Variants in ANO4 observed in about 807,000 individuals in gnomAD.
ANO4 encodes anoctamin-4.
Under a neutral mutation model 141.9 loss-of-function variants are expected in ANO4, and 69 were observed. The observed-to-expected ratio is 0.49, with a 90% CI of 0.40 to 0.59. The LOEUF (loss-of-function observed/expected upper bound fraction) is 0.59. ANO4 is among the 20% of genes least tolerant of loss of function. ANO4 has a pLI of 0.00. For synonymous variants in ANO4, 350 were observed against 394.3 expected (o/e 0.89, Z 1.33); for missense variants, 894 against 1,162.2 (o/e 0.77, Z 3.36).
At chr12:101,041,646 C>T (rs967359116) in intron 11 of ANO4, among the ~76,000 whole-genome samples, 2 of 152,160 alleles carry the variant, frequency 1.3e-5, no homozygotes, top group African/African-American at 4.8e-5. Flanking sequence ...CTGAAAAACT[C>T]AGTTTTCCTC....
intron 5 of ANO4, among the ~76,000 whole-genome samples, chr12:100,944,506 C>G (rs1049420367): frequency 6.6e-6 from 1 of 151,998 alleles, no homozygotes; most frequent in Non-Finnish European, 1.5e-5. Context: ...CCCACTTTCC[C>G]CCAAAAGTTC....
intron 11 of ANO4, among the ~76,000 whole-genome samples, chr12:101,041,560 TA>T (rs2047411535): frequency 6.6e-6 from 1 of 152,196 alleles, no homozygotes; most frequent in African/African-American, 2.4e-5. Context: ...GCATATTAAT[TA>T]ACTGTCTATT....
At chr12:100,785,368 T>C (rs1449367539) in intron 3 of ANO4, among the ~76,000 whole-genome samples, 1 of 152,214 alleles carries the variant, frequency 6.6e-6, no homozygotes, top group Non-Finnish European at 1.5e-5. Context: ...GTAGTTTCAC[T>C]GCCCTAAAAA....
At chr12:101,049,394 T>C (rs1229449543) in intron 14 of ANO4, among the ~76,000 whole-genome samples, 3 of 152,200 alleles carry the variant, frequency 2.0e-5, no homozygotes, top group Non-Finnish European at 4.4e-5. Flanking sequence ...CATTTTGTTC[T>C]TAGGGCACTT....
At chr12:101,113,293 A>G (rs1310898986) in intron 24 of ANO4, among the ~76,000 whole-genome samples, 3 of 152,162 alleles carry the variant, frequency 2.0e-5, no homozygotes, top group Admixed American at 6.5e-5. Context: ...ATCTTGTTTT[A>G]GGGGGAACCA....
chr12:100,934,522 A>G (rs2042207635), intron 3 of ANO4, among the ~76,000 whole-genome samples: 1 of 151,974 alleles, frequency 6.6e-6, no homozygotes, highest in African/African-American at 2.4e-5. Context: ...GTCAGGTAGC[A>G]TGATGCCTTC....
chr12:100,909,131 CCTAAA>C (rs2040983752), intron 2 of ANO4, among the ~76,000 whole-genome samples: 1 of 152,054 alleles, frequency 6.6e-6, no homozygotes, highest in South Asian at 2.1e-4. Context: ...GGATGGAAAA[CCTAAA>C]GAGCCAGCCT....
chr12:100,921,616 G>A (rs543235278), intron 2 of ANO4, among the ~76,000 whole-genome samples: 1 of 152,200 alleles, frequency 6.6e-6, no homozygotes, highest in South Asian at 2.1e-4. Context: ...GTATGGAGCA[G>A]CATAAAAACT....
At chr12:100,988,784 T>C (rs1410231402) in intron 8 of ANO4, among the ~76,000 whole-genome samples, 5 of 145,196 alleles carry the variant, frequency 3.4e-5, no homozygotes, top group Non-Finnish European at 7.4e-5. Flanking sequence ...GGCAGGAGAA[T>C]CACTTGAACC....
upstream of ANO4, among the ~76,000 whole-genome samples, chr12:100,792,223 C>T (rs1247297461): frequency 6.6e-6 from 1 of 152,014 alleles, no homozygotes; most frequent in Non-Finnish European, 1.5e-5. Context: ...AAAGCTCTGT[C>T]AACAAGCTTC....
At chr12:100,814,698 A>G (rs1052203344) in intron 1 of ANO4, among the ~76,000 whole-genome samples, 4 of 152,142 alleles carry the variant, frequency 2.6e-5, no homozygotes, top group African/African-American at 9.7e-5. Context: ...CATACAAAAC[A>G]TTGTATGGGA....
At chr12:100,775,179 C>T (rs1054370256) in intron 3 of ANO4, among the ~76,000 whole-genome samples, 10 of 152,098 alleles carry the variant, frequency 6.6e-5, no homozygotes, top group East Asian at 1.9e-4. Context: ...TGGGGCTGTC[C>T]GAGTGAAAAA....
intron 2 of ANO4, among the ~76,000 whole-genome samples, chr12:100,917,580 G>T (rs1385410802): frequency 3.3e-5 from 5 of 152,216 alleles, no homozygotes; most frequent in African/African-American, 1.2e-4. Flanking sequence ...TAAAGGTGGA[G>T]ATTGTCATCT....
chr12:100,746,739 C>T (rs2032129569), intron 3 of ANO4, among the ~76,000 whole-genome samples: 1 of 152,172 alleles, frequency 6.6e-6, no homozygotes, highest in Non-Finnish European at 1.5e-5. Flanking sequence ...CTTAACTCTC[C>T]TTCCTCCCTG....
At chr12:100,796,715 A>G (rs1424176035) in intron 1 of ANO4, among the ~76,000 whole-genome samples, 1 of 151,568 alleles carries the variant, frequency 6.6e-6, no homozygotes, top group Non-Finnish European at 1.5e-5. Context: ...CCTACACTCG[A>G]TTGTGGTTCG....
intron 8 of ANO4, among the ~76,000 whole-genome samples, chr12:100,994,507 A>G (rs1256748589): frequency 6.6e-6 from 1 of 152,222 alleles, no homozygotes; most frequent in Non-Finnish European, 1.5e-5. Context: ...TATACAGGAC[A>G]TTCTTTCAGG....
intron 3 of ANO4, among the ~76,000 whole-genome samples, chr12:100,767,199 TAAA>T (rs1272324093): frequency 6.6e-6 from 1 of 152,198 alleles, no homozygotes; most frequent in Non-Finnish European, 1.5e-5. Context: ...CATTTACACT[TAAA>T]GTAATTATTG....
chr12:101,076,149 T>G (rs1177804410), intron 14 of ANO4, among the ~76,000 whole-genome samples: 1 of 152,116 alleles, frequency 6.6e-6, no homozygotes, highest in African/African-American at 2.4e-5. Context: ...TCCCCCAAAT[T>G]CATATGTTGA....
intron 3 of ANO4, among the ~76,000 whole-genome samples, chr12:100,776,837 T>C (rs1384416748): frequency 6.6e-6 from 1 of 152,148 alleles, no homozygotes; most frequent in Non-Finnish European, 1.5e-5. Context: ...TAGATTAACT[T>C]TGGATGACTG....
Sources: allele counts gnomAD v4.1 joint callset (sites outside exome capture counted in the v4.1 genomes callset), GRCh38; gene constraint gnomAD v4.1.1; transcripts MANE v1.5; gene names NCBI Gene and HGNC (gene_info 2026-07-23, HGNC 2026-07-21).